FHIT: variants seen among roughly 807,000 people sequenced by gnomAD.
FHIT encodes the protein bis(5'-adenosyl)-triphosphatase.
FHIT carries 19 observed loss-of-function variants against 17.9 expected under a neutral mutation model. That is an observed-to-expected ratio of 1.06 (90% CI 0.74 to 1.56). The LOEUF (loss-of-function observed/expected upper bound fraction) is 1.56, where lower values mean the gene tolerates loss of function less well. FHIT is among the 40% of genes most tolerant of loss of function. The probability of loss-of-function intolerance (pLI) is 0.00; values close to 1 mark genes in which losing one functional copy is unlikely to be tolerated. For synonymous variants in FHIT, 81 were observed against 69.7 expected, an observed-to-expected ratio of 1.16 and a Z score of -0.81; for missense variants, 248 against 189.2, an observed-to-expected ratio of 1.31 and a Z score of -1.82.
At chr3:60,510,491 T>A (rs1051363956) in intron 5 of FHIT, among the ~76,000 whole-genome samples, 1 of 152,220 alleles carries the variant, frequency 6.6e-6, no homozygotes, top group Non-Finnish European at 1.5e-5. Flanking sequence ...ATGGACCTAT[T>A]TGGCCTTTTA....
At chr3:60,620,597 A>C (rs1349754578) in intron 4 of FHIT, among the ~76,000 whole-genome samples, 2 of 152,038 alleles carry the variant, frequency 1.3e-5, no homozygotes, top group Non-Finnish European at 2.9e-5. Context: ...AAAAAAAAAA[A>C]AACTATGAAG....
chr3:60,654,296 G>A (rs2040066556), intron 4 of FHIT, among the ~76,000 whole-genome samples: 1 of 152,122 alleles, frequency 6.6e-6, no homozygotes, highest in Admixed American at 6.5e-5. Context: ...TTCTTAGGAA[G>A]TTAATAGCAA....
intron 3 of FHIT, among the ~76,000 whole-genome samples, chr3:61,024,871 T>C (rs1392508343): frequency 6.6e-6 from 1 of 152,190 alleles, no homozygotes; most frequent in Non-Finnish European, 1.5e-5. Context: ...CTCTGATTAA[T>C]GTACAAGTGA....
chr3:60,063,502 C>T (rs1702376958), intron 5 of FHIT, among the ~76,000 whole-genome samples: 2 of 152,270 alleles, frequency 1.3e-5, no homozygotes, highest in Admixed American at 1.3e-4. Flanking sequence ...TTAATAAAAG[C>T]AGAGGCCCAG....
chr3:60,552,517 C>G (rs2036594702), intron 4 of FHIT, among the ~76,000 whole-genome samples: 1 of 152,192 alleles, frequency 6.6e-6, no homozygotes, highest in African/African-American at 2.4e-5. Context: ...ATTAATTGGT[C>G]TGGCTGAGAC....
chr3:60,886,732 TA>T (rs1705239933), intron 3 of FHIT, among the ~76,000 whole-genome samples: 1 of 152,210 alleles, frequency 6.6e-6, no homozygotes, highest in East Asian at 1.9e-4. Flanking sequence ...TGTTCTTTTT[TA>T]AATAGATCTT....
intron 9 of FHIT, 137 bp from the exon 10 acceptor site, chr3:59,749,716 G>A (rs1348118313): frequency 8.7e-6 from 2 of 230,082 alleles, no homozygotes; most frequent in East Asian, 1.2e-4. Context: ...CCAAAGTGCA[G>A]CCTGATTAAT....
At chr3:60,217,354 T>C (rs2107527431) in intron 5 of FHIT, among the ~76,000 whole-genome samples, 1 of 152,318 alleles carries the variant, frequency 6.6e-6, no homozygotes, top group South Asian at 2.1e-4. Flanking sequence ...TTCCTTGAGC[T>C]CATCGCCCAT....
chr3:60,898,822 G>A (rs6446161), intron 3 of FHIT, among the ~76,000 whole-genome samples: 146,867 of 152,236 alleles, frequency 0.96, 71,074 homozygotes, highest in East Asian at 1. Context: ...GATCCCATAC[G>A]GGAAGCATAG....
At chr3:59,937,040 A>G (rs1375861887) in intron 7 of FHIT, among the ~76,000 whole-genome samples, 1 of 152,216 alleles carries the variant, frequency 6.6e-6, no homozygotes, top group Non-Finnish European at 1.5e-5. Flanking sequence ...CGGTCACCCC[A>G]AAGTAACTGA....
intron 4 of FHIT, among the ~76,000 whole-genome samples, chr3:60,666,864 C>CTTTT (rs71092626): frequency 8.2e-6 from 1 of 122,186 alleles, no homozygotes; most frequent in African/African-American, 3.4e-5. Flanking sequence ...CTTTTCTTTT[C>CTTTT]TTTTTTTTTT....
intron 5 of FHIT, among the ~76,000 whole-genome samples, chr3:60,212,478 C>T (rs1030545220): frequency 6.6e-6 from 1 of 152,144 alleles, no homozygotes; most frequent in Non-Finnish European, 1.5e-5. Flanking sequence ...AGATAGAACA[C>T]ACCTCTTGAA....
chr3:60,928,083 C>G (rs1445339103), intron 3 of FHIT, among the ~76,000 whole-genome samples: 1 of 152,042 alleles, frequency 6.6e-6, no homozygotes, highest in African/African-American at 2.4e-5. Context: ...GCAAGATGTG[C>G]TTTATTAAAC....
intron 5 of FHIT, among the ~76,000 whole-genome samples, chr3:60,510,676 T>C (rs2034917161): frequency 6.6e-6 from 1 of 152,152 alleles, no homozygotes; most frequent in African/African-American, 2.4e-5. Context: ...TGAAGGGCTG[T>C]GGGCAATCAT....
At chr3:59,755,933 A>G (rs1195574050) in intron 8 of FHIT, among the ~76,000 whole-genome samples, 2 of 152,206 alleles carry the variant, frequency 1.3e-5, no homozygotes, top group African/African-American at 2.4e-5. Context: ...TTGAACAATG[A>G]GAAGAACAAA....
intron 2 of FHIT, among the ~76,000 whole-genome samples, chr3:61,054,026 C>A (rs554315922): frequency 6.6e-6 from 1 of 152,262 alleles, no homozygotes; most frequent in East Asian, 1.9e-4. Context: ...CTTGAAGAGA[C>A]CTGTCTGAAC....
intron 5 of FHIT, among the ~76,000 whole-genome samples, chr3:60,346,206 G>A (rs1412174527): frequency 6.6e-6 from 1 of 152,168 alleles, no homozygotes; most frequent in Non-Finnish European, 1.5e-5. Context: ...TTATTAGAGA[G>A]GCTAGTGCTC....
chr3:60,649,299 C>T (rs2856073), intron 4 of FHIT, among the ~76,000 whole-genome samples: 1 of 152,106 alleles, frequency 6.6e-6, no homozygotes, highest in African/African-American at 2.4e-5. Flanking sequence ...ACTCAGGAGT[C>T]TGAGGCAGGA....
intron 5 of FHIT, among the ~76,000 whole-genome samples, chr3:60,068,108 C>T (rs970233600): frequency 1.3e-5 from 2 of 152,042 alleles, no homozygotes; most frequent in Non-Finnish European, 2.9e-5. Flanking sequence ...TGATGGCACA[C>T]ACCTGTAACC....
Sources: allele counts gnomAD v4.1 joint callset (sites outside exome capture counted in the v4.1 genomes callset), GRCh38; gene constraint gnomAD v4.1.1; transcripts MANE v1.5; gene names NCBI Gene and HGNC (gene_info 2026-07-23, HGNC 2026-07-21).